Variants in DIPK1A observed in about 807,000 individuals in gnomAD.
The protein encoded by DIPK1A is family with sequence similarity 69 member A.
DIPK1A carries 27 observed loss-of-function variants against 40.8 expected under a neutral mutation model. The ratio of observed to expected loss-of-function variants is 0.66; its 90% confidence interval spans 0.49 to 0.91. DIPK1A has a LOEUF of 0.91. DIPK1A is among the 40% of genes least tolerant of loss of function. The pLI, the probability that DIPK1A is intolerant of heterozygous loss-of-function variation, is 0.00. For synonymous variants in DIPK1A, 166 were observed against 171.3 expected (o/e 0.97, Z 0.24); for missense variants, 412 against 505.7 (o/e 0.81, Z 1.78).
intron 1 of DIPK1A, among the ~76,000 whole-genome samples, chr1:92,905,176 G>A (rs1649567822): frequency 6.6e-6 from 1 of 152,120 alleles, no homozygotes; most frequent in Non-Finnish European, 1.5e-5. Context: ...ACCTAGCAGT[G>A]GGATTGCCAG....
intron 2 of DIPK1A, among the ~76,000 whole-genome samples, chr1:92,865,552 G>A (rs1439501824): frequency 6.6e-6 from 1 of 152,112 alleles, no homozygotes; most frequent in Non-Finnish European, 1.5e-5. Context: ...GCTTTTCTGG[G>A]TGTACCATTC....
At chr1:92,850,730 T>C (rs1348187895) in intron 3 of DIPK1A, 118 bp downstream of exon 3, 4 of 637,204 alleles carry the variant, frequency 6.3e-6, no homozygotes, top group African/African-American at 5.6e-5. Context: ...GCATACAAAA[T>C]TGAAATACAT....
chr1:92,905,056 T>A lies in DIPK1A; in HGVS notation c.55-28626A>T, dbSNP rs180982419. ...ACATTTTCTTTATCTGTTCATCTGC[T>A]GATGGACACTTAGGTTGCTTCCAAA... On this transcript the variant is annotated intron_variant, in intron 1 of 4. Coordinates refer to ENST00000370310, the MANE Select transcript of DIPK1A (RefSeq NM_001006605.5). 2.9e-3 allele frequency among the ~76,000 whole-genome samples: 441 copies of A among 152,298 alleles called. 2 individuals carry two copies. The highest frequency in any genetic ancestry group is 9.4e-3 in the African/African-American group (392 of 41,580).
chr1:92,948,809 A>AT lies in DIPK1A; in HGVS notation c.54+12566dup, dbSNP rs556859459. On this transcript the variant is annotated intron_variant, in intron 1 of 4. Coordinates refer to ENST00000370310, the MANE Select transcript of DIPK1A (RefSeq NM_001006605.5). ...TATATATGTGTGTGTATATATATAT[A>AT]TTTTTCCCCCCTGAGGTGGAGTTTC... Among the ~76,000 whole-genome samples, 472 of 138,758 alleles carry AT rather than the reference A, an allele frequency of 3.4e-3. 5 individuals carry two copies. The highest frequency in any genetic ancestry group is 0.014 in the African/African-American group (452 of 32,968). The allele number at this position is 138,758 out of a possible 152,430, so 91.0% of individuals were successfully genotyped here. A position where few individuals can be genotyped will look rare whatever the true frequency, so the allele number is the denominator to read the frequency against.
chr1:92,905,220 G>A (rs1314935187), intron 1 of DIPK1A, among the ~76,000 whole-genome samples: 1 of 152,058 alleles, frequency 6.6e-6, no homozygotes, highest in Non-Finnish European at 1.5e-5. Context: ...GTTTTCTGAG[G>A]AACAACCATG....
intron 1 of DIPK1A, among the ~76,000 whole-genome samples, chr1:92,877,344 C>T (rs905291018): frequency 1.3e-5 from 2 of 152,112 alleles, no homozygotes; most frequent in Non-Finnish European, 2.9e-5. Context: ...GAAGAGAATT[C>T]GGCAGAATAA....
intron 4 of DIPK1A, chr1:92,834,641 C>A (rs1357623722): frequency 1.8e-6 from 2 of 1,135,282 alleles, no homozygotes; most frequent in African/African-American, 1.5e-5. Flanking sequence ...TTACTGGTAA[C>A]CCAGCTAAGA....
chr1:92,904,101 G>A (rs1649516535), intron 1 of DIPK1A, among the ~76,000 whole-genome samples: 2 of 152,130 alleles, frequency 1.3e-5, no homozygotes, highest in South Asian at 4.1e-4. Context: ...TTCCAAAGAA[G>A]GCTGAAACCA....
At chr1:92,929,996 C>T (rs1650680929) in intron 1 of DIPK1A, among the ~76,000 whole-genome samples, 1 of 152,180 alleles carries the variant, frequency 6.6e-6, no homozygotes, top group South Asian at 2.1e-4. Context: ...TTTTAGAAAA[C>T]ATAACCACCC....
chr1:92,951,250 T>C (rs1224719768), intron 1 of DIPK1A, among the ~76,000 whole-genome samples: 1 of 152,140 alleles, frequency 6.6e-6, no homozygotes, highest in African/African-American at 2.4e-5. Context: ...CCACCCATAG[T>C]TGCTGGCTTT....
At position 92,842,593 on chromosome 1, in the gene DIPK1A, T is replaced by C; in HGVS notation, c.*790A>G. ...TTATTACTAAAAAGTCTGCTATAAT[T>C]TATTTTAGTCTTGCACTTACAGTCC... On this transcript the variant is annotated 3_prime_UTR_variant, in exon 5 of 5. Transcript: ENST00000370310. 1 of 951,620 alleles carries C rather than the reference T, an allele frequency of 1.1e-6. No individual in the cohort carries two copies. The highest frequency in any genetic ancestry group is 5.2e-5 in the South Asian group (1 of 19,098). The allele number at this position is 951,620 out of a possible 1,614,324, so 58.9% of individuals were successfully genotyped here. A position where few individuals can be genotyped will look rare whatever the true frequency, so the allele number is the denominator to read the frequency against.
chr1:92,853,436 G>C (rs1233344065), intron 2 of DIPK1A, among the ~76,000 whole-genome samples: 3 of 152,160 alleles, frequency 2.0e-5, no homozygotes, highest in African/African-American at 7.2e-5. Flanking sequence ...GCACCTTTAA[G>C]GGGAAACCAA....
chr1:92,833,956 A>T, intron 4 of DIPK1A: 1 of 381,118 alleles, frequency 2.6e-6, no homozygotes, highest in East Asian at 6.0e-5. Flanking sequence ...AAATGTAAGA[A>T]AATTAGCTGG....
intron 2 of DIPK1A, among the ~76,000 whole-genome samples, chr1:92,858,975 T>C (rs1280012341): frequency 6.6e-6 from 1 of 152,220 alleles, no homozygotes; most frequent in Non-Finnish European, 1.5e-5. Context: ...GTCCTAAGAT[T>C]GTTCTTTACT....
intron 1 of DIPK1A, among the ~76,000 whole-genome samples, chr1:92,951,413 G>C (rs1007755572): frequency 6.6e-6 from 1 of 152,172 alleles, no homozygotes; most frequent in African/African-American, 2.4e-5. Flanking sequence ...CAACTGGAAA[G>C]AATCTGGAAG....
At chr1:92,838,706 C>A (rs1467534167), downstream of DIPK1A, among the ~76,000 whole-genome samples, 2 of 152,166 alleles carry the variant, frequency 1.3e-5, no homozygotes, top group Non-Finnish European at 2.9e-5. Flanking sequence ...TACATGTCTG[C>A]TTGTCTGACG....
In DIPK1A at chr1:92,859,530, G is replaced by A. The variant is rs1161154420; in HGVS notation, c.190-8575C>T. 1.3e-5 allele frequency among the ~76,000 whole-genome samples: 2 copies of A among 152,132 alleles called. 1 individual carries two copies. Among genetic ancestry groups the A allele is most frequent in the Non-Finnish European group, 2.9e-5 (2 of 68,028 alleles). ...ATATATGTGTGTAAGTTATAGTCCA[G>A]ATGTCTCTCATATCCAAATCAGGAA... On this transcript the variant is annotated intron_variant, in intron 2 of 4. Coordinates refer to ENST00000370310, the MANE Select transcript of DIPK1A (RefSeq NM_001006605.5).
intron 4 of DIPK1A, chr1:92,836,634 G>T: frequency 1.9e-6 from 1 of 517,010 alleles, no homozygotes. Context: ...AAAGAGATGG[G>T]ATTGAAACCA....
chr1:92,929,654 C>T (rs954750090), intron 1 of DIPK1A, among the ~76,000 whole-genome samples: 1 of 152,166 alleles, frequency 6.6e-6, no homozygotes, highest in Non-Finnish European at 1.5e-5. Flanking sequence ...CTTTAAATAG[C>T]TGTTTACAAT....
Sources: allele counts gnomAD v4.1 joint callset (sites outside exome capture counted in the v4.1 genomes callset), GRCh38; gene constraint gnomAD v4.1.1; transcripts MANE v1.5; gene names NCBI Gene and HGNC (gene_info 2026-07-23, HGNC 2026-07-21).